The following CAB39 variants were observed in gnomAD, a reference collection of about 807,000 sequenced individuals.
CAB39 encodes the protein calcium binding protein 39.
In CAB39, 8 loss-of-function variants were observed where a neutral mutation model predicts 40.0. The observed-to-expected ratio is 0.20, with a 90% CI of 0.12 to 0.36. The LOEUF is 0.36. Among genes scored for constraint, CAB39 ranks in the 10% least tolerant of loss-of-function variants. The pLI, the probability that CAB39 is intolerant of heterozygous loss-of-function variation, is 1.00. For synonymous variants in CAB39, 156 were observed against 141.6 expected (o/e 1.10, Z -0.72); for missense variants, 270 against 401.1 (o/e 0.67, Z 2.79).
intron 1 of CAB39, among the ~76,000 whole-genome samples, chr2:230,730,416 TA>T (rs1694666101): frequency 1.3e-5 from 2 of 151,436 alleles, no homozygotes; most frequent in African/African-American, 2.4e-5. Flanking sequence ...GGAGAATGAC[TA>T]AAAACTATAC....
At chr2:230,748,828 AAAAATATATATATATATATATAT>A (rs1188469026) in intron 1 of CAB39, among the ~76,000 whole-genome samples, 4 of 62,776 alleles carry the variant, frequency 6.4e-5, no homozygotes, top group African/African-American at 2.7e-4. Context: ...AAAAAAAAAA[AAAAATATATATATATATATATAT>A]ATATATATAT....
At chr2:230,785,304 C>T (rs563377786) in intron 2 of CAB39, among the ~76,000 whole-genome samples, 3 of 139,816 alleles carry the variant, frequency 2.1e-5, no homozygotes, top group Admixed American at 7.9e-5. Context: ...AAGACTTGGA[C>T]TATGGTAAAT....
chr2:230,771,292 A>G (rs903465253), intron 2 of CAB39, among the ~76,000 whole-genome samples: 4 of 152,176 alleles, frequency 2.6e-5, no homozygotes, highest in African/African-American at 9.6e-5. Context: ...CAAGAGTGTT[A>G]GGTGTAATTG....
chr2:230,769,076 AAC>A (rs1695438587), intron 2 of CAB39, among the ~76,000 whole-genome samples: 1 of 152,226 alleles, frequency 6.6e-6, no homozygotes, highest in Non-Finnish European at 1.5e-5. Context: ...AAACTTTGTT[AAC>A]ACTCATAAAA....
intron 1 of CAB39, among the ~76,000 whole-genome samples, chr2:230,735,131 A>G (rs1458235976): frequency 6.6e-6 from 1 of 152,088 alleles, no homozygotes; most frequent in Non-Finnish European, 1.5e-5. Context: ...AGAATGTGGA[A>G]TCGCAGTTTA....
chr2:230,782,791 T>TTCTTTC (rs1695710368), intron 2 of CAB39, among the ~76,000 whole-genome samples: 1 of 106,838 alleles, frequency 9.4e-6, no homozygotes, highest in Admixed American at 9.0e-5. Context: ...AGACTGCTGT[T>TTCTTTC]TCTTTCTTTC....
intron 1 of CAB39, among the ~76,000 whole-genome samples, chr2:230,757,890 T>TGTGTCCCATCTGGC (rs1329051332): frequency 6.6e-6 from 1 of 152,186 alleles, no homozygotes; most frequent in African/African-American, 2.4e-5. Flanking sequence ...ATCCAGGCTT[T>TGTGTCCCATCTGGC]GTGTCCCATC....
intron 2 of CAB39, chr2:230,779,358 A>G (rs1695648918): frequency 6.6e-6 from 1 of 152,276 alleles, no homozygotes; most frequent in Non-Finnish European, 1.5e-5. Context: ...CACTTCTCAG[A>G]AGCCATAAGG....
At chr2:230,734,500 TGTGA>T (rs1422934896) in intron 1 of CAB39, among the ~76,000 whole-genome samples, 4 of 152,212 alleles carry the variant, frequency 2.6e-5, no homozygotes, top group Middle Eastern at 3.4e-3. Context: ...GAGTGGTATG[TGTGA>T]GTGGGGGAGT....
intron 1 of CAB39, among the ~76,000 whole-genome samples, chr2:230,747,659 G>A (rs1201050873): frequency 6.6e-6 from 1 of 152,042 alleles, no homozygotes; most frequent in Non-Finnish European, 1.5e-5. Flanking sequence ...AAAATATAAT[G>A]GATTATATAG....
intron 1 of CAB39, among the ~76,000 whole-genome samples, chr2:230,720,788 T>G (rs940038092): frequency 1.3e-5 from 2 of 152,120 alleles, no homozygotes; most frequent in Non-Finnish European, 2.9e-5. Flanking sequence ...GTAAACAAGT[T>G]TTTTCCTGCT....
Position 230,802,512 on chromosome 2 carries a change from G to GA in CAB39, c.567+3615_567+3616insA, listed in dbSNP as rs200491486. On this transcript the variant is annotated intron_variant, in intron 5 of 8. Transcript: ENST00000258418. ...GATCAACAAAATTGATAGACCGCTAGCAAGACTAATAAAAAAGAAGAGAGA... is the reference window on the plus strand; with the variant it reads ...GATCAACAAAATTGATAGACCGCTAGACAAGACTAATAAAAAAGAAGAGAGA... Among the ~76,000 whole-genome samples the GA allele has an allele frequency of 5.3e-3, 804 of 152,132 alleles. 1 individual carries two copies. Among genetic ancestry groups the GA allele is most frequent in the African/African-American group, 0.018 (746 of 41,502 alleles).
intron 2 of CAB39, 34 bp downstream of exon 2, chr2:230,760,149 C>T: frequency 7.5e-7 from 1 of 1,330,054 alleles, no homozygotes; most frequent in East Asian, 2.3e-5. Context: ...TTTGAAATAT[C>T]TTAATTAGCA....
chr2:230,740,553 G>A (rs1458507243), intron 1 of CAB39, among the ~76,000 whole-genome samples: 1 of 152,196 alleles, frequency 6.6e-6, no homozygotes, highest in Non-Finnish European at 1.5e-5. Context: ...CCACGGACTA[G>A]GGCTGGTGGG....
chr2:230,764,523 A>G (rs1695349519), intron 2 of CAB39, among the ~76,000 whole-genome samples: 1 of 152,248 alleles, frequency 6.6e-6, no homozygotes, highest in South Asian at 2.1e-4. Context: ...ACTGACATAT[A>G]CAGATCTCCC....
chr2:230,790,786 GGT>G, intron 2 of CAB39, 84 bp from the exon 3 acceptor site: 1 of 1,129,766 alleles, frequency 8.9e-7, no homozygotes, highest in Non-Finnish European at 1.3e-6. Context: ...AATATAGAGA[GGT>G]GATTTGACAA....
intron 5 of CAB39, among the ~76,000 whole-genome samples, chr2:230,801,452 G>T (rs1696087958): frequency 1.3e-5 from 2 of 152,168 alleles, no homozygotes; most frequent in Non-Finnish European, 2.9e-5. Flanking sequence ...TAGATCTATG[G>T]TTCATGCTTT....
chr2:230,728,622 T>A (rs984371382), intron 1 of CAB39, among the ~76,000 whole-genome samples: 1 of 152,146 alleles, frequency 6.6e-6, no homozygotes, highest in African/African-American at 2.4e-5. Flanking sequence ...TTTTATATGT[T>A]TTTTTGAGAC....
At chr2:230,750,476 A>G (rs1695065962) in intron 1 of CAB39, among the ~76,000 whole-genome samples, 1 of 152,216 alleles carries the variant, frequency 6.6e-6, no homozygotes, top group Admixed American at 6.5e-5. Flanking sequence ...CGTGAGCTAA[A>G]TAAACCTCTT....
Sources: gnomAD v4.1 joint callset for allele counts (sites outside exome capture counted in the v4.1 genomes callset) on GRCh38, gnomAD v4.1.1 for gene constraint, MANE v1.5 for transcripts, NCBI Gene and HGNC (gene_info 2026-07-23, HGNC 2026-07-21) for gene names.